SPEG: variants seen among roughly 807,000 people sequenced by gnomAD.
The protein encoded by SPEG is striated muscle enriched protein kinase.
In SPEG, 114 loss-of-function variants were observed where a neutral mutation model predicts 300.4. That is an observed-to-expected ratio of 0.38 (90% CI 0.33 to 0.44). SPEG has a LOEUF of 0.44. Ranked by LOEUF, SPEG falls within the 20% of genes least tolerant of loss-of-function variation. The pLI, the probability that SPEG is intolerant of heterozygous loss-of-function variation, is 1.00. For missense variants in SPEG, 4,201 were observed against 4,586.2 expected (o/e 0.92, Z 2.43); for synonymous variants, 1,964 against 2,018.9 (o/e 0.97, Z 0.73).
chr2:219,443,359 G>C lies in SPEG; in HGVS notation c.389-1294G>C, dbSNP rs551368485. On this transcript the variant is annotated intron_variant, in intron 1 of 40. Coordinates refer to ENST00000312358, the MANE Select transcript of SPEG (RefSeq NM_005876.5). This position sits in a 1 kb window ranked among gnomAD's most constrained non-coding sequence, Gnocchi z 4.6. ...CAGCAGAAGGGAGGGCGGCTCACTA[G>C]CACACCCCTGCATGGACTGGGTGCC... 1.6e-6 allele frequency: 1 copy of C among 632,494 alleles called. No individual in the cohort carries two copies. The highest frequency in any genetic ancestry group is 1.8e-5 in the African/African-American group (1 of 55,674). 39.2% of individuals were successfully genotyped at this position (632,494 alleles called of 1,614,324 possible).
Position 219,473,262 on chromosome 2 carries a change from C to T in SPEG, c.4147+166C>T. 3 of 780,272 alleles carry T rather than the reference C, an allele frequency of 3.8e-6. No individual in the cohort carries two copies. The highest frequency in any genetic ancestry group is 2.7e-5 in the Admixed American group (1 of 37,372). 48.3% of individuals were successfully genotyped at this position (780,272 alleles called of 1,614,324 possible). A position where few individuals can be genotyped will look rare whatever the true frequency, so the allele number is the denominator to read the frequency against. On this transcript the variant is annotated intron_variant, in intron 16 of 40. Coordinates refer to ENST00000312358, the MANE Select transcript of SPEG (RefSeq NM_005876.5). The surrounding 1 kb of genome is among the most constrained non-coding windows in gnomAD (Gnocchi z 4.6). The stretch of plus-strand genomic sequence containing the variant: ...TACACTTCCTTCTCCCTCCTGAAAG[C>T]AGCAGGGCACGGTGGCTGAAGCTCA...
At position 219,477,108 on chromosome 2, in the gene SPEG, C is replaced by A; in HGVS notation, c.4560+126C>A. 1 of 1,001,010 alleles carries A rather than the reference C, an allele frequency of 1.0e-6. No individual in the cohort carries two copies. The highest frequency in any genetic ancestry group is 1.4e-6 in the Non-Finnish European group (1 of 690,046). 62.0% of individuals were successfully genotyped at this position (1,001,010 alleles called of 1,614,324 possible). A position where few individuals can be genotyped will look rare whatever the true frequency, so the allele number is the denominator to read the frequency against. ...GGCGTGGTTAGGAGGAGGAAAGGGG[C>A]TGCAGAGGACTGACTAGCTGAGGGG... On this transcript the variant is annotated intron_variant, in intron 19 of 40. Transcript: ENST00000312358. This position sits in a 1 kb window ranked among gnomAD's most constrained non-coding sequence, Gnocchi z 6.4.
intron 6 of SPEG, chr2:219,460,570 T>C: frequency 1.0e-6 from 1 of 985,418 alleles, no homozygotes; most frequent in Non-Finnish European, 1.2e-6. Context: ...GGCTTTGCTC[T>C]TGTCAGGGTC....
rs758345462 is a variant in SPEG, at chr2:219,464,649, GC to G, written c.2881+45del. On this transcript the variant is annotated intron_variant, in intron 9 of 40. Transcript: ENST00000312358. The surrounding 1 kb of genome is among the most constrained non-coding windows in gnomAD (Gnocchi z 4.5). ...CTCCATGAATGCCCACCTGGCCCTG[GC>G]CCCTTCCTTCCCCCACTGTCTGCTC... 17 of 1,592,256 alleles carry G rather than the reference GC, an allele frequency of 1.1e-5. No individual in the cohort carries two copies. The highest frequency in any genetic ancestry group is 8.4e-5 in the Admixed American group (5 of 59,596).
At position 219,466,148 on chromosome 2, in the gene SPEG, A is replaced by T. The variant is rs1691330209; in HGVS notation, c.2882-1026A>T. ...CACCTCTCGGACCTCGCTGTGTTTC[A>T]CTGCCTCCTGCCCACAGACCCAGGC... On this transcript the variant is annotated intron_variant, in intron 9 of 40. Coordinates refer to ENST00000312358, the MANE Select transcript of SPEG (RefSeq NM_005876.5). 3 of 1,542,554 alleles carry T rather than the reference A, an allele frequency of 1.9e-6. No individual in the cohort carries two copies. The South Asian group carries it at 3.6e-5, about 18-fold the overall frequency.
At chr2:219,485,189 G>A (rs1282688823) in intron 30 of SPEG, 117 bp downstream of exon 30, 4 of 1,481,444 alleles carry the variant, frequency 2.7e-6, no homozygotes, top group Non-Finnish European at 3.7e-6. Flanking sequence ...GAGGCCCCGA[G>A]GGTGGAATCA....
In SPEG at chr2:219,489,819, C is replaced by A; in HGVS notation, c.8801C>A (p.Pro2934Gln). The A allele has an allele frequency of 6.2e-7, 1 of 1,613,552 alleles. No homozygotes were observed. The highest frequency in any genetic ancestry group is 8.5e-7 in the Non-Finnish European group (1 of 1,179,896). The change falls in exon 36 of 41, where the codon CCG becomes CAG. Residue 2934 changes from proline to glutamine, a missense_variant. Pro to Gln is a moderately conservative substitution (Grantham distance 76). This residue lies in a region of SPEG where 1,578 missense variants were observed against 1,506.0 expected (regional missense o/e 1.05). Transcript: ENST00000312358. ...PTKVTVQSLSPAKEVVSSPGS... is the reference protein window; with the variant it reads ...PTKVTVQSLSQAKEVVSSPGS... ...AAGGTGACTGTGCAGAGCCTCAGCC[C>A]GGCCAAGGAGGTGGTCAGCTCCCCT...
At chr2:219,465,783 C>A in intron 9 of SPEG, 1 of 570,472 alleles carries the variant, frequency 1.8e-6, no homozygotes, top group Non-Finnish European at 3.2e-6. Flanking sequence ...AGGGCCCTAG[C>A]CAGGTCTGCG....
At position 219,482,838 on chromosome 2, in the gene SPEG, C is replaced by T. The variant is rs752861993; in HGVS notation, c.5620C>T (p.Arg1874Trp). The change falls in exon 29 of 41, where the codon CGG becomes TGG. Residue 1874 changes from arginine to tryptophan, a missense_variant. This residue lies in a region of SPEG where 1,578 missense variants were observed against 1,506.0 expected (regional missense o/e 1.05). Transcript: ENST00000312358. ...STDHLKLFLS[R>W]RRWQRSQISY... ...GGATCACCTGAAGCTATTCCTCTCC[C>T]GGCGGAGGTGGCAGGTAAGTGTGGC... 5.6e-6 allele frequency: 9 copies of T among 1,613,760 alleles called. No homozygotes were observed. The highest frequency in any genetic ancestry group is 2.2e-5 in the East Asian group (1 of 44,890).
Position 219,451,306 on chromosome 2 carries a change from CG to C in SPEG, c.2257+29del. 1 of 1,582,738 alleles carries C rather than the reference CG, an allele frequency of 6.3e-7. No individual in the cohort carries two copies. Among genetic ancestry groups the C allele is most frequent in the Non-Finnish European group, 8.6e-7 (1 of 1,166,258 alleles). ...TGAGCTCCAGCACTGGGCCAAGGTG[CG>C]GTCGAGGTTGGGAGGGGGTGTGTGA... On this transcript the variant is annotated intron_variant, in intron 5 of 40. Coordinates refer to ENST00000312358, the MANE Select transcript of SPEG (RefSeq NM_005876.5). The surrounding 1 kb of genome is among the most constrained non-coding windows in gnomAD (Gnocchi z 6.4).
Position 219,434,921 on chromosome 2 carries a change from C to T in SPEG, c.-57C>T, listed in dbSNP as rs1575022565. The stretch of plus-strand genomic sequence containing the variant: ...ACTTGTCTCCTAGGGCACCGTCCCG[C>T]GGGTGCCCCCGTGGCCGCCCAGTTC... On this transcript the variant is annotated 5_prime_UTR_variant, in exon 1 of 41. Coordinates refer to ENST00000312358, the MANE Select transcript of SPEG (RefSeq NM_005876.5). The T allele has an allele frequency of 1.5e-6, 2 of 1,328,402 alleles. No homozygotes were observed. The highest frequency in any genetic ancestry group is 3.0e-5 in the East Asian group (1 of 33,356). The allele number at this position is 1,328,402 out of a possible 1,614,324, so 82.3% of individuals were successfully genotyped here.
chr2:219,488,451 A>T (rs371886976), intron 32 of SPEG, 47 bp from the exon 33 acceptor site: 1 of 1,536,252 alleles, frequency 6.5e-7, no homozygotes, highest in Non-Finnish European at 8.8e-7. Flanking sequence ...GGGCCTGGAC[A>T]TGTGCTGCCT....
chr2:219,491,004 GA>G (rs1693922539), intron 38 of SPEG, 48 bp downstream of exon 38: 1 of 1,500,736 alleles, frequency 6.7e-7, no homozygotes, highest in Non-Finnish European at 9.1e-7. Context: ...CCCTGCCAGA[GA>G]GGCAGCAGCC....
At chr2:219,452,166 T>C (rs1489870303) in intron 6 of SPEG, among the ~76,000 whole-genome samples, 1 of 152,170 alleles carries the variant, frequency 6.6e-6, no homozygotes, top group Admixed American at 6.5e-5. Flanking sequence ...ATCTCTCCGC[T>C]CACAGGGTTT....
At position 219,481,514 on chromosome 2, in the gene SPEG, G is replaced by A. The variant is rs1692840544; in HGVS notation, c.5522+58G>A. 3 of 1,608,040 alleles carry A rather than the reference G, an allele frequency of 1.9e-6. No individual in the cohort carries two copies. Among genetic ancestry groups the A allele is most frequent in the Non-Finnish European group, 2.6e-6 (3 of 1,175,680 alleles). On this transcript the variant is annotated intron_variant, in intron 27 of 40. Coordinates refer to ENST00000312358, the MANE Select transcript of SPEG (RefSeq NM_005876.5). The surrounding 1 kb of genome is among the most constrained non-coding windows in gnomAD (Gnocchi z 5.4). ...AGGGTCACCCTCATACCACCTGCCTGCTACTCCCAAACTCCTGCCCCTCGA... is the reference window on the plus strand; with the variant it reads ...AGGGTCACCCTCATACCACCTGCCTACTACTCCCAAACTCCTGCCCCTCGA...
intron 6 of SPEG, chr2:219,460,357 G>A (rs920755653): frequency 4.5e-5 from 44 of 985,436 alleles, no homozygotes; most frequent in South Asian, 9.4e-5. Context: ...GCTCGTTAGC[G>A]CATTCCCCGG....
At chr2:219,440,334 G>A (rs1399094286) in intron 1 of SPEG, among the ~76,000 whole-genome samples, 3 of 152,102 alleles carry the variant, frequency 2.0e-5, no homozygotes, top group African/African-American at 7.2e-5. Flanking sequence ...GTTGCAGTGA[G>A]CCATGATGGC....
Position 219,448,677 on chromosome 2 carries a change from C to G in SPEG, c.1519C>G (p.Arg507Gly). The change falls in exon 4 of 41, where the codon CGG becomes GGG. Residue 507 changes from arginine to glycine, a missense_variant. Arg to Gly is a moderately radical substitution (Grantham distance 125). This residue lies in a region of SPEG where 1,258 missense variants were observed against 1,293.9 expected (regional missense o/e 0.97). Coordinates refer to ENST00000312358, the MANE Select transcript of SPEG (RefSeq NM_005876.5). Reference sequence around the variant, plus strand: ...GGGCCGCATCCGCCGCTCCACGTCGCGGGAGGAGCTGGTGCGCTCGCACGA... The same window carrying G: ...GGGCCGCATCCGCCGCTCCACGTCGGGGGAGGAGCTGGTGCGCTCGCACGA... ...ELGRIRRSTS[R>G]EELVRSHESL... 6.7e-7 allele frequency: 1 copy of G among 1,492,890 alleles called. No homozygotes were observed. The highest frequency in any genetic ancestry group is 8.9e-7 in the Non-Finnish European group (1 of 1,129,468). 92.5% of individuals were successfully genotyped at this position (1,492,890 alleles called of 1,614,324 possible).
intron 31 of SPEG, among the ~76,000 whole-genome samples, chr2:219,486,161 T>C (rs1351968386): frequency 6.6e-6 from 1 of 152,246 alleles, no homozygotes; most frequent in Admixed American, 6.5e-5. Context: ...CTCTTTGCCC[T>C]CTTCTGTTTC....
Sources: allele counts gnomAD v4.1 joint callset (sites outside exome capture counted in the v4.1 genomes callset), GRCh38; gene constraint gnomAD v4.1.1; regional missense constraint gnomAD v4.1.1; non-coding constraint Gnocchi (gnomAD v3.1); transcripts MANE v1.5; gene names NCBI Gene and HGNC (gene_info 2026-07-23, HGNC 2026-07-21).